Variants in LRRTM4 observed in about 807,000 individuals in gnomAD.
LRRTM4 encodes leucine-rich repeat transmembrane neuronal protein 4.
Under a neutral mutation model 47.6 loss-of-function variants are expected in LRRTM4, and 25 were observed. That is an observed-to-expected ratio of 0.53 (90% CI 0.38 to 0.73). The LOEUF (loss-of-function observed/expected upper bound fraction) is 0.73. Among genes scored for constraint, LRRTM4 ranks in the 30% least tolerant of loss-of-function variants. The pLI, the probability that LRRTM4 is intolerant of heterozygous loss-of-function variation, is 0.00. For missense variants in LRRTM4, 638 were observed against 713.4 expected (o/e 0.89, Z 1.20); for synonymous variants, 311 against 269.5 (o/e 1.15, Z -1.51).
At chr2:77,086,652 T>A (rs1680727041) in intron 3 of LRRTM4, among the ~76,000 whole-genome samples, 1 of 151,068 alleles carries the variant, frequency 6.6e-6, no homozygotes, top group African/African-American at 2.5e-5. Flanking sequence ...TTTCGTTTGT[T>A]TGTTTATTTG....
chr2:77,055,814 G>T (rs973480045), intron 3 of LRRTM4, among the ~76,000 whole-genome samples: 1 of 151,766 alleles, frequency 6.6e-6, no homozygotes, highest in Non-Finnish European at 1.5e-5. Flanking sequence ...TGATAGATTG[G>T]ATTAAGAAAA....
intron 3 of LRRTM4, among the ~76,000 whole-genome samples, chr2:76,846,035 T>C (rs1256353252): frequency 6.6e-6 from 1 of 151,992 alleles, no homozygotes; most frequent in Non-Finnish European, 1.5e-5. Context: ...ACCCATGTAA[T>C]TGGAGGGCCT....
At chr2:76,812,930 T>C (rs542286326) in intron 3 of LRRTM4, among the ~76,000 whole-genome samples, 2 of 151,962 alleles carry the variant, frequency 1.3e-5, no homozygotes, top group Admixed American at 1.3e-4. Flanking sequence ...CCAAGTCAGA[T>C]TGTGAGAACG....
chr2:77,073,661 A>C (rs1350934828), intron 3 of LRRTM4, among the ~76,000 whole-genome samples: 1 of 152,152 alleles, frequency 6.6e-6, no homozygotes, highest in East Asian at 1.9e-4. Context: ...ACATTGAAAA[A>C]TATGGGTATA....
intron 3 of LRRTM4, among the ~76,000 whole-genome samples, chr2:77,140,237 A>T (rs948541206): frequency 6.6e-6 from 1 of 152,200 alleles, no homozygotes; most frequent in East Asian, 1.9e-4. Context: ...CTAAAATGCT[A>T]TAGTAACCAA....
At chr2:76,927,853 G>T (rs1331186257) in intron 3 of LRRTM4, among the ~76,000 whole-genome samples, 1 of 152,110 alleles carries the variant, frequency 6.6e-6, no homozygotes, top group Non-Finnish European at 1.5e-5. Context: ...CAGGTAAAAA[G>T]AGGTAAAAAT....
intron 3 of LRRTM4, among the ~76,000 whole-genome samples, chr2:77,040,564 A>C (rs1678995566): frequency 6.6e-6 from 1 of 151,442 alleles, no homozygotes; most frequent in South Asian, 2.1e-4. Flanking sequence ...CAGTAGAGCA[A>C]AATACTGTGG....
At chr2:76,910,776 A>T (rs1463541009) in intron 3 of LRRTM4, among the ~76,000 whole-genome samples, 1 of 152,226 alleles carries the variant, frequency 6.6e-6, no homozygotes, top group Non-Finnish European at 1.5e-5. Context: ...TTGATCTCAT[A>T]TCACTTTCTC....
At chr2:77,108,137 A>G (rs1234144776) in intron 3 of LRRTM4, among the ~76,000 whole-genome samples, 2 of 152,144 alleles carry the variant, frequency 1.3e-5, no homozygotes, top group Non-Finnish European at 2.9e-5. Flanking sequence ...AATTAGGGAG[A>G]AAAAGAAAAT....
intron 3 of LRRTM4, among the ~76,000 whole-genome samples, chr2:77,229,964 A>C (rs1391206713): frequency 1.3e-5 from 2 of 152,130 alleles, no homozygotes; most frequent in Non-Finnish European, 2.9e-5. Context: ...CACCACTGGA[A>C]ATGTTATACT....
At chr2:77,060,675 T>C (rs150285061) in intron 3 of LRRTM4, among the ~76,000 whole-genome samples, 18 of 152,254 alleles carry the variant, frequency 1.2e-4, no homozygotes, top group African/African-American at 4.1e-4. Flanking sequence ...GCTGAATAGC[T>C]CTAGATCTGG....
Position 76,748,448 on chromosome 2 carries a change from G to C in LRRTM4, c.*247C>G. The C allele has an allele frequency of 1.9e-6, 1 of 524,654 alleles. No homozygotes were observed. Among genetic ancestry groups the C allele is most frequent in the East Asian group, 3.3e-5 (1 of 30,670 alleles). The allele number at this position is 524,654 out of a possible 1,614,324, so 32.5% of individuals were successfully genotyped here. A position where few individuals can be genotyped will look rare whatever the true frequency, so the allele number is the denominator to read the frequency against. ...TGACACTCTTACTATTTACATCCGGGAGCATTTTTGTTTGTTTTATGTTTT... is the reference window on the plus strand; with the variant it reads ...TGACACTCTTACTATTTACATCCGGCAGCATTTTTGTTTGTTTTATGTTTT... On this transcript the variant is annotated 3_prime_UTR_variant, in exon 4 of 4. Coordinates refer to ENST00000409884, the MANE Select transcript of LRRTM4 (RefSeq NM_001134745.3).
intron 3 of LRRTM4, among the ~76,000 whole-genome samples, chr2:77,117,793 T>C (rs905679398): frequency 6.6e-6 from 1 of 151,928 alleles, no homozygotes; most frequent in Non-Finnish European, 1.5e-5. Flanking sequence ...TACTCAGACA[T>C]CCTAAAAACA....
At chr2:76,903,391 C>T (rs934583673) in intron 3 of LRRTM4, among the ~76,000 whole-genome samples, 17 of 151,804 alleles carry the variant, frequency 1.1e-4, no homozygotes, top group Non-Finnish European at 2.1e-4. Flanking sequence ...AAAAATTTAG[C>T]CAGGTGTGGT....
chr2:76,840,212 C>T (rs1671631365), intron 3 of LRRTM4, among the ~76,000 whole-genome samples: 1 of 152,080 alleles, frequency 6.6e-6, no homozygotes, highest in South Asian at 2.1e-4. Flanking sequence ...TAATGATCAA[C>T]TTGGATTTAT....
At chr2:77,422,699 AT>A (rs1183778062) in intron 3 of LRRTM4, among the ~76,000 whole-genome samples, 1 of 152,148 alleles carries the variant, frequency 6.6e-6, no homozygotes, top group Non-Finnish European at 1.5e-5. Flanking sequence ...TTTAGTGTTT[AT>A]TTTTTTAAAA....
chr2:77,351,544 T>C (rs1671776130), intron 3 of LRRTM4, among the ~76,000 whole-genome samples: 1 of 151,014 alleles, frequency 6.6e-6, no homozygotes, highest in Admixed American at 6.6e-5. Context: ...TTTGGAAACA[T>C]TTCCATGAGA....
Position 76,916,973 on chromosome 2 carries a change from T to A in LRRTM4, c.1552-168057A>T, listed in dbSNP as rs144009211. On this transcript the variant is annotated intron_variant, in intron 3 of 3. Coordinates refer to ENST00000409884, the MANE Select transcript of LRRTM4 (RefSeq NM_001134745.3). ...TAAGTTTAACTCTACAGTATGAAAT[T>A]TGTGGCATCTGAAGATTTGTGTCCA... is the stretch of plus-strand genomic sequence containing the variant. 5.0e-3 allele frequency among the ~76,000 whole-genome samples: 763 copies of A among 152,308 alleles called. 13 individuals are homozygous for A. Among genetic ancestry groups the A allele is most frequent in the African/African-American group, 0.017 (716 of 41,568 alleles).
chr2:76,753,601 C>T (rs1672924201), intron 3 of LRRTM4, among the ~76,000 whole-genome samples: 1 of 151,854 alleles, frequency 6.6e-6, no homozygotes, highest in Non-Finnish European at 1.5e-5. Context: ...TATAGGGGTT[C>T]ATAGTGTTAG....
Sources: gnomAD v4.1 joint callset for allele counts (sites outside exome capture counted in the v4.1 genomes callset) on GRCh38, gnomAD v4.1.1 for gene constraint, MANE v1.5 for transcripts, NCBI Gene and HGNC (gene_info 2026-07-23, HGNC 2026-07-21) for gene names.